Variants in PLD3 observed in about 807,000 individuals in gnomAD.
The protein encoded by PLD3 is phospholipase D family member 3.
In PLD3, 31 loss-of-function variants were observed where a neutral mutation model predicts 58.4. The ratio of observed to expected loss-of-function variants is 0.53; its 90% CI spans 0.40 to 0.72. The LOEUF is 0.72. Among genes scored for constraint, PLD3 ranks in the 30% least tolerant of loss-of-function variants. The pLI is 0.00. For missense variants in PLD3, 595 were observed against 659.8 expected (o/e 0.90, Z 1.08); for synonymous variants, 264 against 273.4 (o/e 0.97, Z 0.34).
chr19:40,367,119 T>C, intron 5 of PLD3: 1 of 580,700 alleles, frequency 1.7e-6, no homozygotes, highest in South Asian at 2.2e-5. Flanking sequence ...CTGTCAGGCC[T>C]GTGAACAGAC....
intron 1 of PLD3, among the ~76,000 whole-genome samples, chr19:40,362,371 C>T (rs889640503): frequency 2.6e-5 from 4 of 152,220 alleles, no homozygotes; most frequent in African/African-American, 9.6e-5. Context: ...GTATCTGGCT[C>T]TAGCACTTAC....
chr19:40,371,845 A>T lies in PLD3; in HGVS notation c.851A>T (p.Asn284Ile). Residue 284 changes from asparagine (N) to isoleucine (I), a missense_variant, in exon 9 of 13, where the codon AAT (asparagine) becomes ATT (isoleucine). Asn to Ile is a moderately radical substitution (Grantham distance 149, BLOSUM62 -3). Transcript: ENST00000409735. The part of the protein sequence containing the change: ...NQETPMEICL[N>I]GTPALAYLAS... ...GAGACACCAATGGAGATCTGCCTCA[A>T]TGGAACCCCTGCTCTGGCCTACCTG... 1 of 1,614,094 alleles carries T rather than the reference A, an allele frequency of 6.2e-7. No individual in the cohort carries two copies. Among genetic ancestry groups the T allele is most frequent in the Non-Finnish European group, 8.5e-7 (1 of 1,180,028 alleles).
At chr19:40,349,453 T>G (rs531266820) in intron 1 of PLD3, among the ~76,000 whole-genome samples, 1 of 152,164 alleles carries the variant, frequency 6.6e-6, no homozygotes, top group Non-Finnish European at 1.5e-5. Flanking sequence ...TACGGGGTAC[T>G]GCAGCCCATT....
chr19:40,366,907 C>A lies in PLD3; in HGVS notation c.237C>A (p.Asp79Glu). ...GPNQRPAPCYDPCEAVLVESI... is the reference protein window; with the variant it reads ...GPNQRPAPCYEPCEAVLVESI... Reference sequence around the variant, plus strand: ...ACCAGCGCCCAGCCCCCTGCTATGACCCTTGCGAGTAAGTGGGGGGTGCTG... The same window carrying A: ...ACCAGCGCCCAGCCCCCTGCTATGAACCTTGCGAGTAAGTGGGGGGTGCTG... Residue 79 changes from aspartate to glutamate, a missense_variant, in exon 5 of 13, where the codon GAC (aspartate) becomes GAA (glutamate). Transcript: ENST00000409735. The A allele has an allele frequency of 6.2e-7, 1 of 1,601,724 alleles. No homozygotes were observed. Among genetic ancestry groups the A allele is most frequent in the Non-Finnish European group, 8.5e-7 (1 of 1,173,352 alleles).
At chr19:40,367,158 CCA>C (rs1281645343) in intron 5 of PLD3, 2 of 522,106 alleles carry the variant, frequency 3.8e-6, no homozygotes, top group Non-Finnish European at 6.8e-6. Context: ...ATCTGTGGAC[CCA>C]CACACACATC....
At chr19:40,360,076 G>A (rs907654215) in intron 1 of PLD3, 1 of 152,048 alleles carries the variant, frequency 6.6e-6, no homozygotes, top group Non-Finnish European at 1.5e-5. Flanking sequence ...CAAACTCCTG[G>A]TCTTTTCCCC....
In PLD3 at chr19:40,376,827, A is replaced by G. The variant is rs1201623062; in HGVS notation, c.1185+53A>G. 3.3e-6 allele frequency: 5 copies of G among 1,515,528 alleles called. No individual in the cohort carries two copies. The African/African-American group carries it at 6.8e-5, about 21-fold the overall frequency. 93.9% of individuals were successfully genotyped at this position (1,515,528 alleles called of 1,614,324 possible). A position where few individuals can be genotyped will look rare whatever the true frequency, so the allele number is the denominator to read the frequency against. On this transcript the variant is annotated intron_variant, in intron 11 of 12. Coordinates refer to ENST00000409735, the MANE Select transcript of PLD3 (RefSeq NM_012268.4). Reference sequence around the variant, plus strand: ...GCCCCTGTGTGGGGCAGTCCTAGGGACACAGCCCTCATGGGACTCGTCTGT... The same window carrying G: ...GCCCCTGTGTGGGGCAGTCCTAGGGGCACAGCCCTCATGGGACTCGTCTGT...
At position 40,372,215 on chromosome 19, in the gene PLD3, G is replaced by A. The variant is rs551656811; in HGVS notation, c.879+342G>A. 8.5e-5 allele frequency among the ~76,000 whole-genome samples: 13 copies of A among 152,202 alleles called. No homozygotes were observed. The Middle Eastern group carries it at 0.014, about 159-fold the overall frequency. On this transcript the variant is annotated intron_variant, in intron 9 of 12. Transcript: ENST00000409735. Reference sequence around the variant, plus strand: ...GCAATTAACAATTCAGGCCAAGTGGGGTGGCTTATGCCTGTAATCCCAATA... The same window carrying A: ...GCAATTAACAATTCAGGCCAAGTGGAGTGGCTTATGCCTGTAATCCCAATA...
In PLD3 at chr19:40,366,915, A is replaced by G; in HGVS notation, c.245A>G (p.Glu82Gly). 4 of 1,597,706 alleles carry G rather than the reference A, an allele frequency of 2.5e-6. No individual in the cohort carries two copies. The highest frequency in any genetic ancestry group is 2.2e-5 in the East Asian group (1 of 44,668). Residue 82 changes from glutamate to glycine, a missense_variant and splice_region_variant, in exon 5 of 13, where the codon GAA (glutamate) becomes GGA (glycine). By Grantham distance (98) the Glu-to-Gly change is moderately conservative. Coordinates refer to ENST00000409735, the MANE Select transcript of PLD3 (RefSeq NM_012268.4). ...CCAGCCCCCTGCTATGACCCTTGCGAGTAAGTGGGGGGTGCTGCAGTTGGT... is the reference window on the plus strand; with the variant it reads ...CCAGCCCCCTGCTATGACCCTTGCGGGTAAGTGGGGGGTGCTGCAGTTGGT... Reference protein sequence around the residue: ...QRPAPCYDPCEAVLVESIPEG... With the variant: ...QRPAPCYDPCGAVLVESIPEG...
intron 6 of PLD3, 82 bp downstream of exon 6, chr19:40,367,961 C>T (rs1337037667): frequency 2.5e-6 from 3 of 1,219,868 alleles, no homozygotes; most frequent in African/African-American, 3.0e-5. Context: ...AGGGGTTTCT[C>T]CTGCAGCCCA....
intron 1 of PLD3, among the ~76,000 whole-genome samples, chr19:40,351,632 G>A (rs557171271): frequency 2.0e-5 from 3 of 152,284 alleles, no homozygotes; most frequent in Admixed American, 6.5e-5. Flanking sequence ...AAAGTCTTGC[G>A]GTAGGAGCAA....
intron 10 of PLD3, 109 bp downstream of exon 10, chr19:40,374,729 A>G: frequency 8.2e-7 from 1 of 1,222,788 alleles, no homozygotes; most frequent in Non-Finnish European, 1.2e-6. Context: ...GGACAGATGG[A>G]AGAGAAGCTG....
rs199944221 is a variant in PLD3, at chr19:40,366,818, T to C, written c.148T>C (p.Phe50Leu). Residue 50 changes from phenylalanine (F) to leucine (L), a missense_variant, in exon 5 of 13, where the codon TTC (phenylalanine) becomes CTC (leucine). Phe to Leu is a conservative substitution (Grantham distance 22). Transcript: ENST00000409735. ...GGTCCTCATTCTGGCGGTTGTGGGC[T>C]TCGGAGCCCTGATGACTCAGCTGTT... ...LLVLILAVVG[F>L]GALMTQLFLW... The C allele has an allele frequency of 5.0e-6, 8 of 1,613,940 alleles. No homozygotes were observed. In the East Asian group the frequency reaches 1.8e-4, roughly 36 times the overall value.
At chr19:40,366,556 G>A in intron 3 of PLD3, 46 bp downstream of exon 3, 1 of 1,594,688 alleles carries the variant, frequency 6.3e-7, no homozygotes, top group African/African-American at 1.3e-5. Context: ...GGTACAGTGG[G>A]GGTGGGGGTT....
chr19:40,370,340 C>A, intron 8 of PLD3, 103 bp downstream of exon 8: 2 of 1,321,968 alleles, frequency 1.5e-6, no homozygotes, highest in Non-Finnish European at 2.1e-6. Flanking sequence ...CCTCTCCACC[C>A]ATTCTCTGTA....
At chr19:40,369,529 C>T (rs1568670661) in intron 6 of PLD3, among the ~76,000 whole-genome samples, 1 of 152,172 alleles carries the variant, frequency 6.6e-6, no homozygotes, top group African/African-American at 2.4e-5. Flanking sequence ...GCATCCTTGA[C>T]TGTTGCTGTT....
chr19:40,363,181 C>T (rs975004894), intron 1 of PLD3, among the ~76,000 whole-genome samples: 1 of 152,186 alleles, frequency 6.6e-6, no homozygotes, highest in Non-Finnish European at 1.5e-5. Context: ...TTTTCTTCAT[C>T]TTGGCTTCCC....
rs760407817 is a variant in PLD3, at chr19:40,366,627, G to A, written c.45G>A (p.Glu15=). The change falls in exon 4 of 13, where the codon GAG becomes GAA. Residue 15 remains glutamate (E), a synonymous_variant. Coordinates refer to ENST00000409735, the MANE Select transcript of PLD3 (RefSeq NM_012268.4). The part of the protein sequence containing the change: ...LMYQELKVPA[E]EPANELPMNE... ...ATCCCCAGCTGAAGGTGCCTGCAGA[G>A]GAGCCCGCCAATGAGCTGCCCATGA... 4.4e-6 allele frequency: 7 copies of A among 1,579,874 alleles called. No individual in the cohort carries two copies. In the South Asian group the frequency reaches 4.6e-5, roughly 10 times the overall value.
chr19:40,367,458 G>A, intron 5 of PLD3: 1 of 457,060 alleles, frequency 2.2e-6, no homozygotes, highest in Non-Finnish European at 3.9e-6. Flanking sequence ...GTGCACACCT[G>A]TAGTCCCAGC....
Sources: gnomAD v4.1 joint callset for allele counts (sites outside exome capture counted in the v4.1 genomes callset) on GRCh38, gnomAD v4.1.1 for gene constraint, MANE v1.5 for transcripts, NCBI Gene and HGNC (gene_info 2026-07-23, HGNC 2026-07-21) for gene names.